TUT7: variants seen among roughly 807,000 people sequenced by gnomAD.
TUT7 encodes the protein terminal uridylyltransferase 7.
Under a neutral mutation model 165.9 loss-of-function variants are expected in TUT7, and 33 were observed. That is an observed-to-expected ratio of 0.20 (90% CI 0.15 to 0.27). TUT7 has a LOEUF of 0.27. Ranked by LOEUF, TUT7 falls within the 10% of genes least tolerant of loss-of-function variation. The pLI is 1.00. For missense variants in TUT7, 1,338 were observed against 1,762.3 expected (o/e 0.76, Z 4.31); for synonymous variants, 552 against 608.1 (o/e 0.91, Z 1.36).
chr9:86,335,977 AAG>A (rs1416099172), intron 10 of TUT7, among the ~76,000 whole-genome samples: 1 of 152,170 alleles, frequency 6.6e-6, no homozygotes, highest in Non-Finnish European at 1.5e-5. Context: ...GGCCATAGGA[AAG>A]GGTATCCATA....
rs976952525 is a variant in TUT7, at chr9:86,342,900, G to A, written c.1086+175C>T. On this transcript the variant is annotated intron_variant, in intron 6 of 26. Transcript: ENST00000375963. ...ATAAAAGATCTATAGACTAAAATAA[G>A]TATGAAAATTTGCAGAGTATTAAAA... 4.6e-5 allele frequency among the ~76,000 whole-genome samples: 7 copies of A among 151,720 alleles called. No individual in the cohort carries two copies. In the East Asian group the frequency reaches 1.4e-3, roughly 29 times the overall value.
chr9:86,307,286 A>AT (rs1421682777), intron 22 of TUT7, among the ~76,000 whole-genome samples: 3 of 152,128 alleles, frequency 2.0e-5, no homozygotes, highest in African/African-American at 7.2e-5. Context: ...AAAAAAAAAA[A>AT]GGAATACCTT....
At chr9:86,325,608 G>A in intron 11 of TUT7, 94 bp from the exon 12 acceptor site, 3 of 1,185,392 alleles carry the variant, frequency 2.5e-6, no homozygotes, top group South Asian at 3.2e-5. Flanking sequence ...AAAAAAATCT[G>A]GAAAACCTTA....
rs1020835849 is a variant in TUT7, at chr9:86,352,706, G to A, written c.494C>T (p.Thr165Met). The A allele has an allele frequency of 1.2e-6, 2 of 1,614,168 alleles. No individual in the cohort carries two copies. The highest frequency in any genetic ancestry group is 1.3e-5 in the African/African-American group (1 of 75,050). ...AGGACTTCCTGCTTCCATTTCTGAC[G>A]TGGTTTCTAGGCTTGTTAGGTCTTT... ...FHKDLTSLET[T>M]SEMEAGSPEN... Residue 165 changes from threonine (T) to methionine (M), a missense_variant, in exon 2 of 27, where the codon ACG becomes ATG. Coordinates refer to ENST00000375963, the MANE Select transcript of TUT7 (RefSeq NM_024617.4).
At chr9:86,343,813 G>A (rs1831520758) in intron 5 of TUT7, among the ~76,000 whole-genome samples, 1 of 152,196 alleles carries the variant, frequency 6.6e-6, no homozygotes, top group Non-Finnish European at 1.5e-5. Flanking sequence ...GTGTATATGA[G>A]TACTATCTAT....
chr9:86,312,566 G>A (rs1259427752), intron 17 of TUT7, among the ~76,000 whole-genome samples: 4 of 152,028 alleles, frequency 2.6e-5, no homozygotes, highest in Admixed American at 6.5e-5. Context: ...CCCCTACTGG[G>A]AAGTGAGGAG....
chr9:86,307,339 C>T (rs1206580426), intron 22 of TUT7, among the ~76,000 whole-genome samples: 6 of 151,588 alleles, frequency 4.0e-5, no homozygotes, highest in African/African-American at 9.7e-5. Context: ...AACGAAAAGG[C>T]GTAGTAAGTC....
intron 16 of TUT7, 36 bp downstream of exon 16, chr9:86,318,922 G>T: frequency 6.5e-7 from 1 of 1,533,348 alleles, no homozygotes; most frequent in South Asian, 1.1e-5. Context: ...AAATCACACT[G>T]CCACAGCAAA....
chr9:86,330,402 C>T (rs1830206652), intron 10 of TUT7, among the ~76,000 whole-genome samples: 1 of 152,246 alleles, frequency 6.6e-6, no homozygotes, highest in South Asian at 2.1e-4. Flanking sequence ...TTAGTTGGTG[C>T]CTGGCCATGG....
chr9:86,316,500 C>T (rs1339428914), intron 17 of TUT7, among the ~76,000 whole-genome samples: 1 of 152,196 alleles, frequency 6.6e-6, no homozygotes, highest in Admixed American at 6.5e-5. Context: ...AGCAGAACAG[C>T]TGCAAATTCA....
chr9:86,303,196 G>A lies in TUT7; in HGVS notation c.3984C>T (p.Tyr1328=), dbSNP rs1282631482. Reference sequence around the variant, plus strand: ...CAGTTAACACATCTGGATCAAAAAAGTATTCCTAGAAGAACATAAATATAT... The same window carrying A: ...CAGTTAACACATCTGGATCAAAAAAATATTCCTAGAAGAACATAAATATAT... ...FPKDYPSKME[Y]FFDPDVLTEG... is the part of the protein sequence containing the mutation. The change falls in exon 25 of 27, where the codon TAC becomes TAT. Residue 1328 remains tyrosine, a synonymous_variant. Transcript: ENST00000375963. 14 of 1,572,254 alleles carry A rather than the reference G, an allele frequency of 8.9e-6. No homozygotes were observed. Among genetic ancestry groups the A allele is most frequent in the South Asian group, 1.1e-5 (1 of 87,790 alleles).
At chr9:86,343,236 A>G in intron 5 of TUT7, 73 bp from the exon 6 acceptor site, 1 of 910,078 alleles carries the variant, frequency 1.1e-6, no homozygotes, top group Non-Finnish European at 1.6e-6. Context: ...AAACACTGCT[A>G]TTTCAGAAGC....
chr9:86,348,496 A>C (rs1831974033), intron 2 of TUT7, among the ~76,000 whole-genome samples: 1 of 152,176 alleles, frequency 6.6e-6, no homozygotes, highest in Non-Finnish European at 1.5e-5. Flanking sequence ...TCATGCCTGT[A>C]ATTCCCAGCA....
intron 22 of TUT7, 132 bp from the exon 23 acceptor site, chr9:86,305,371 CAT>C: frequency 1.6e-6 from 1 of 626,754 alleles, no homozygotes; most frequent in East Asian, 3.1e-5. Context: ...TTTAAATTCA[CAT>C]GATAGAAAAG....
At chr9:86,322,515 TATTTGCCAAATAAAGG>T (rs1564064687) in intron 13 of TUT7, 40 bp from the exon 14 acceptor site, 66 of 1,575,590 alleles carry the variant, frequency 4.2e-5, no homozygotes, top group Non-Finnish European at 5.5e-5. Flanking sequence ...CTTAACACTT[TATTTGCCAAATAAAGG>T]AGTCTGGAAT....
In TUT7 at chr9:86,323,951, G is replaced by C. The variant is rs1338428003; in HGVS notation, c.1799C>G (p.Ser600Cys). ...KKRIAIEDPY[S>C]VKRNVARTLN... is the part of the protein sequence containing the mutation. ...GGTTCTTGCCACATTTCTTTTAACA[G>C]AGTAGGGATCTGTAATAAAAAAAAG... Residue 600 changes from serine (S) to cysteine (C), a missense_variant, in exon 13 of 27, where the codon TCT (serine) becomes TGT (cysteine). Ser to Cys is a moderately radical substitution (Grantham distance 112, BLOSUM62 -1). Transcript: ENST00000375963. 10 of 1,560,834 alleles carry C rather than the reference G, an allele frequency of 6.4e-6. No homozygotes were observed. Among genetic ancestry groups the C allele is most frequent in the Non-Finnish European group, 8.7e-6 (10 of 1,152,254 alleles).
At chr9:86,296,868 T>A (rs981304816) in intron 26 of TUT7, among the ~76,000 whole-genome samples, 3 of 152,178 alleles carry the variant, frequency 2.0e-5, no homozygotes, top group Non-Finnish European at 4.4e-5. Flanking sequence ...CATAGATAAT[T>A]TGGATACATA....
chr9:86,323,286 C>T lies in TUT7; in HGVS notation c.2464G>A (p.Glu822Lys). The T allele has an allele frequency of 1.9e-6, 3 of 1,614,152 alleles. No homozygotes were observed. The highest frequency in any genetic ancestry group is 2.2e-5 in the East Asian group (1 of 44,882). The change falls in exon 13 of 27, where the codon GAA becomes AAA. Residue 822 changes from glutamate (E) to lysine (K), a missense_variant. Physicochemically the swap from Glu to Lys is moderately conservative, Grantham distance 56. Coordinates refer to ENST00000375963, the MANE Select transcript of TUT7 (RefSeq NM_024617.4). ...AAGTGGTTTAGAGAGTCTTCTAGTT[C>T]CTCAGTACCTTCTGTACTTTCTCCA... is the stretch of plus-strand genomic sequence containing the variant. ...LDGESTEGTE[E>K]LEDSLNHFTH...
intron 26 of TUT7, among the ~76,000 whole-genome samples, chr9:86,299,796 G>GTTGT (rs1251380462): frequency 6.6e-6 from 1 of 152,186 alleles, no homozygotes; most frequent in Non-Finnish European, 1.5e-5. Context: ...TCTCCACTTT[G>GTTGT]TTGTACCAAA....
Sources: gnomAD v4.1 joint callset for allele counts (sites outside exome capture counted in the v4.1 genomes callset) on GRCh38, gnomAD v4.1.1 for gene constraint, MANE v1.5 for transcripts, NCBI Gene and HGNC (gene_info 2026-07-23, HGNC 2026-07-21) for gene names.